The following LHX4 variants were observed in gnomAD, a reference collection of about 807,000 sequenced individuals.
LHX4 encodes LIM homeobox 4.
LHX4 carries 16 observed loss-of-function variants against 39.2 expected under a neutral mutation model. The observed-to-expected ratio is 0.41, with a 90% CI of 0.28 to 0.62. LHX4 has a LOEUF of 0.62. LHX4 is among the 20% of genes least tolerant of loss of function. The pLI, the probability that LHX4 is intolerant of heterozygous loss-of-function variation, is 0.33. For synonymous variants in LHX4, 206 were observed against 198.1 expected (o/e 1.04, Z -0.33); for missense variants, 439 against 511.9 (o/e 0.86, Z 1.37).
At position 180,230,522 on chromosome 1, in the gene LHX4, G is replaced by T; in HGVS notation, c.-8G>T. On this transcript the variant is annotated 5_prime_UTR_variant, in exon 1 of 6. Coordinates refer to ENST00000263726, the MANE Select transcript of LHX4 (RefSeq NM_033343.4). This position sits in a 1 kb window ranked among gnomAD's most constrained non-coding sequence, Gnocchi z 5.8. ...CGTAGACTGCGACTCGCTGGCTTTC[G>T]CTCCGAGATGATGCAGAGTGCGACT... The T allele has an allele frequency of 6.2e-7, 1 of 1,612,958 alleles. No homozygotes were observed. Among genetic ancestry groups the T allele is most frequent in the Non-Finnish European group, 8.5e-7 (1 of 1,179,314 alleles).
At position 180,277,486 on chromosome 1, in the gene LHX4, C is replaced by A. The variant is rs1258423468; in HGVS notation, c.*2907C>A. The A allele has an allele frequency of 6.6e-6, 1 of 152,122 alleles. No homozygotes were observed. Among genetic ancestry groups the A allele is most frequent in the Non-Finnish European group, 1.5e-5 (1 of 68,022 alleles). 9.4% of individuals were successfully genotyped at this position (152,122 alleles called of 1,614,324 possible). On this transcript the variant is annotated 3_prime_UTR_variant, in exon 6 of 6. Transcript: ENST00000263726. ...AGTAGGAAGCTCTTGAATCCAGGAG[C>A]AAATTAGTTAAAACCCCAAGTTCCA... is the stretch of plus-strand genomic sequence containing the variant.
chr1:180,249,972 T>G (rs576313711), intron 2 of LHX4, among the ~76,000 whole-genome samples: 1 of 151,932 alleles, frequency 6.6e-6, no homozygotes, highest in Admixed American at 6.6e-5. Context: ...GAGTGTTGTG[T>G]GTGAGTGTGA....
At position 180,230,617 on chromosome 1, in the gene LHX4, C is replaced by T. The variant is rs749923248; in HGVS notation, c.76+12C>T. ...TGTGCCGATGCAACGTAAGACACCC[C>T]CCTTTCTCGCTGATTTAATTCTAAC... On this transcript the variant is annotated intron_variant, in intron 1 of 5. Transcript: ENST00000263726. The surrounding 1 kb of genome is among the most constrained non-coding windows in gnomAD (Gnocchi z 5.8). The T allele has an allele frequency of 1.9e-6, 3 of 1,610,232 alleles. No individual in the cohort carries two copies. In the South Asian group the frequency reaches 3.3e-5, roughly 18 times the overall value.
At chr1:180,237,506 A>G (rs1031350489) in intron 1 of LHX4, among the ~76,000 whole-genome samples, 12 of 152,294 alleles carry the variant, frequency 7.9e-5, no homozygotes, top group African/African-American at 2.6e-4. Context: ...GTTGGGTTTA[A>G]TTGGTGAAAA....
In LHX4 at chr1:180,234,169, T is replaced by TTTTATATA. The variant is rs1491469242; in HGVS notation, c.76+3565_76+3566insTTATATAT. Among the ~76,000 whole-genome samples the TTTTATATA allele has an allele frequency of 7.5e-5, 4 of 53,610 alleles. No individual in the cohort carries two copies. Among genetic ancestry groups the TTTTATATA allele is most frequent in the Admixed American group, 5.0e-4 (2 of 4,012 alleles). The allele number at this position is 53,610 out of a possible 152,430, so 35.2% of individuals were successfully genotyped here. Reference sequence around the variant, plus strand: ...AACAGACACACACAACACACACAAATTATATATATATATATATATATATAT... The same window carrying TTTTATATA: ...AACAGACACACACAACACACACAAATTTTATATATATATATATATATATATATATATAT... On this transcript the variant is annotated intron_variant, in intron 1 of 5. Coordinates refer to ENST00000263726, the MANE Select transcript of LHX4 (RefSeq NM_033343.4). The surrounding 1 kb of genome is among the most constrained non-coding windows in gnomAD (Gnocchi z 4.8).
intron 1 of LHX4, among the ~76,000 whole-genome samples, chr1:180,237,198 CAG>C (rs1664341291): frequency 7.5e-6 from 1 of 133,722 alleles, no homozygotes; most frequent in Non-Finnish European, 1.6e-5. Context: ...ATTCACGACA[CAG>C]GGGTTTTACT....
At chr1:180,248,253 C>A in intron 1 of LHX4, 32 bp from the exon 2 acceptor site, 1 of 1,610,860 alleles carries the variant, frequency 6.2e-7, no homozygotes, top group Non-Finnish European at 8.5e-7. Flanking sequence ...GTGTGGAAGG[C>A]TCACAGTGCC....
At chr1:180,258,567 A>C (rs578141729) in intron 2 of LHX4, among the ~76,000 whole-genome samples, 2 of 152,312 alleles carry the variant, frequency 1.3e-5, no homozygotes, top group East Asian at 3.9e-4. Context: ...GTTAGGAGGC[A>C]GCTGTAGGTG....
Position 180,274,733 on chromosome 1 carries a change from A to G in LHX4, c.*154A>G, listed in dbSNP as rs747210761. On this transcript the variant is annotated 3_prime_UTR_variant, in exon 6 of 6. Transcript: ENST00000263726. ...CCGCTGATTCCTAGAAGGCTGTGAG[A>G]CCACACTAGGGCATTGTTTCCCTGG... 1.9e-5 allele frequency: 16 copies of G among 864,666 alleles called. No homozygotes were observed. Among genetic ancestry groups the G allele is most frequent in the African/African-American group, 5.1e-5 (3 of 58,960 alleles). The allele number at this position is 864,666 out of a possible 1,614,324, so 53.6% of individuals were successfully genotyped here. A position where few individuals can be genotyped will look rare whatever the true frequency, so the allele number is the denominator to read the frequency against.
chr1:180,235,015 T>C (rs1664278762), intron 1 of LHX4, among the ~76,000 whole-genome samples: 1 of 152,204 alleles, frequency 6.6e-6, no homozygotes, highest in Non-Finnish European at 1.5e-5. Flanking sequence ...CGCCCGGGAA[T>C]CCCGGGCGTG....
At chr1:180,231,554 T>G (rs1440044294) in intron 1 of LHX4, among the ~76,000 whole-genome samples, 1 of 132,664 alleles carries the variant, frequency 7.5e-6, no homozygotes, top group Non-Finnish European at 1.6e-5. Flanking sequence ...TGCCCAGTCG[T>G]CGCGCGCGCG....
chr1:180,266,438 AC>A lies in LHX4; in HGVS notation c.298del (p.Gln100ArgfsTer73). The A allele has an allele frequency of 6.2e-7, 1 of 1,614,014 alleles. No individual in the cohort carries two copies. Among genetic ancestry groups the A allele is most frequent in the East Asian group, 2.2e-5 (1 of 44,894 alleles). On this transcript the variant is annotated frameshift_variant, in exon 3 of 6. Transcript: ENST00000263726. LOFTEE classifies it high-confidence loss of function. This position sits in a 1 kb window ranked among gnomAD's most constrained non-coding sequence, Gnocchi z 5.7. ...CTACQQGIPP[T>X]QVVRKAQDFV... ...GGCCTGCCAGCAGGGTATCCCCCCA[AC>A]CCAGGTGGTCCGCAAGGCCCAGGAC...
In LHX4 at chr1:180,232,056, A is replaced by G. The variant is rs1009453939; in HGVS notation, c.76+1451A>G. The stretch of plus-strand genomic sequence containing the variant: ...CCGCTAAGATGTTTTCATAGAAGGC[A>G]TTGGAGATTCACTACGCCCCACACC... On this transcript the variant is annotated intron_variant, in intron 1 of 5. Coordinates refer to ENST00000263726, the MANE Select transcript of LHX4 (RefSeq NM_033343.4). The surrounding 1 kb of genome is among the most constrained non-coding windows in gnomAD (Gnocchi z 5.4). Among the ~76,000 whole-genome samples, 4 of 152,182 alleles carry G rather than the reference A, an allele frequency of 2.6e-5. No homozygotes were observed. The highest frequency in any genetic ancestry group is 9.7e-5 in the African/African-American group (4 of 41,446).
Position 180,274,758 on chromosome 1 carries a change from G to C in LHX4, c.*179G>C, listed in dbSNP as rs1648924596. On this transcript the variant is annotated 3_prime_UTR_variant, in exon 6 of 6. Coordinates refer to ENST00000263726, the MANE Select transcript of LHX4 (RefSeq NM_033343.4). ...ACCACACTAGGGCATTGTTTCCCTG[G>C]GGAAGCAGTGGGAGAGCAGACTCAT... 5.8e-6 allele frequency: 4 copies of C among 686,474 alleles called. No individual in the cohort carries two copies. Among genetic ancestry groups the C allele is most frequent in the East Asian group, 2.7e-5 (1 of 36,530 alleles). 42.5% of individuals were successfully genotyped at this position (686,474 alleles called of 1,614,324 possible). A position where few individuals can be genotyped will look rare whatever the true frequency, so the allele number is the denominator to read the frequency against.
intron 2 of LHX4, among the ~76,000 whole-genome samples, chr1:180,256,440 G>A (rs1050983126): frequency 6.6e-6 from 1 of 152,190 alleles, no homozygotes; most frequent in African/African-American, 2.4e-5. Context: ...CACAGGGCTG[G>A]TCTCTGGTGG....
At chr1:180,244,111 C>T (rs996529033) in intron 1 of LHX4, among the ~76,000 whole-genome samples, 4 of 152,150 alleles carry the variant, frequency 2.6e-5, no homozygotes, top group Non-Finnish European at 4.4e-5. Context: ...GGCTCACTGA[C>T]GTAATACACA....
In LHX4 at chr1:180,274,663, G is replaced by C; in HGVS notation, c.*84G>C. 7.1e-7 allele frequency: 1 copy of C among 1,414,716 alleles called. No homozygotes were observed. Among genetic ancestry groups the C allele is most frequent in the Non-Finnish European group, 9.5e-7 (1 of 1,056,120 alleles). 87.6% of individuals were successfully genotyped at this position (1,414,716 alleles called of 1,614,324 possible). On this transcript the variant is annotated 3_prime_UTR_variant, in exon 6 of 6. Coordinates refer to ENST00000263726, the MANE Select transcript of LHX4 (RefSeq NM_033343.4). Reference sequence around the variant, plus strand: ...AAAAGAGACTTGCCTTTTAAGGATCGAAAGTACGCCAATGTGAATTTCCAT... The same window carrying C: ...AAAAGAGACTTGCCTTTTAAGGATCCAAAGTACGCCAATGTGAATTTCCAT...
Position 180,232,121 on chromosome 1 carries a change from C to CAA in LHX4, c.76+1518_76+1519dup, listed in dbSNP as rs1175960012. 2.0e-5 allele frequency among the ~76,000 whole-genome samples: 3 copies of CAA among 152,138 alleles called. No individual in the cohort carries two copies. The highest frequency in any genetic ancestry group is 2.9e-5 in the Non-Finnish European group (2 of 68,030). On this transcript the variant is annotated intron_variant, in intron 1 of 5. Transcript: ENST00000263726. This position sits in a 1 kb window ranked among gnomAD's most constrained non-coding sequence, Gnocchi z 5.4. The stretch of plus-strand genomic sequence containing the variant: ...GGACAGAGTGGGTTCTCAGCCCCTG[C>CAA]AAAGACGGAAACAGAAACCCTGCAA...
intron 2 of LHX4, 101 bp downstream of exon 2, chr1:180,248,557 G>C (rs779261731): frequency 7.7e-6 from 10 of 1,297,866 alleles, no homozygotes; most frequent in Middle Eastern, 2.5e-4. Flanking sequence ...AGGGTGGAGA[G>C]TCCACTCTGG....
Sources: allele counts gnomAD v4.1 joint callset (sites outside exome capture counted in the v4.1 genomes callset), GRCh38; gene constraint gnomAD v4.1.1; non-coding constraint Gnocchi (gnomAD v3.1); transcripts MANE v1.5; gene names NCBI Gene and HGNC (gene_info 2026-07-23, HGNC 2026-07-21).